Variants in PRKN observed in about 807,000 individuals in gnomAD.
The protein encoded by PRKN is parkin RBR E3 ubiquitin protein ligase, also known as E3 ubiquitin-protein ligase parkin.
PRKN carries 56 observed loss-of-function variants against 59.5 expected under a neutral mutation model. The observed-to-expected ratio is 0.94, with a 90% confidence interval of 0.76 to 1.18. PRKN has a LOEUF of 1.18. PRKN is among the 50% of genes most tolerant of loss of function. The pLI is 0.00. For missense variants in PRKN, 657 were observed against 596.4 expected (o/e 1.10, Z -1.06); for synonymous variants, 250 against 222.1 (o/e 1.13, Z -1.12).
chr6:162,625,097 G>C (rs556675223), intron 1 of PRKN, among the ~76,000 whole-genome samples: 4 of 152,126 alleles, frequency 2.6e-5, no homozygotes, highest in African/African-American at 9.7e-5. Context: ...TCACTGTGAT[G>C]TCTCTTCTCT....
chr6:161,375,801 C>T (rs1159573707), intron 10 of PRKN, among the ~76,000 whole-genome samples: 1 of 152,210 alleles, frequency 6.6e-6, no homozygotes, highest in Non-Finnish European at 1.5e-5. Flanking sequence ...CAGCTTTTCA[C>T]AGCGCAAGGC....
chr6:162,148,593 G>GAAACAAACAAACAAAC (rs34428585), intron 4 of PRKN, among the ~76,000 whole-genome samples: 20 of 151,394 alleles, frequency 1.3e-4, no homozygotes, highest in South Asian at 2.1e-4. Flanking sequence ...AAGCCAGATT[G>GAAACAAACAAACAAAC]AAACAAACAA....
At chr6:161,968,084 G>C (rs1780649520) in intron 6 of PRKN, among the ~76,000 whole-genome samples, 1 of 151,874 alleles carries the variant, frequency 6.6e-6, no homozygotes. Flanking sequence ...GCAGTGGTGT[G>C]ATCACGCCTC....
intron 5 of PRKN, among the ~76,000 whole-genome samples, chr6:162,030,956 A>C (rs937853143): frequency 6.6e-6 from 1 of 152,192 alleles, no homozygotes; most frequent in Non-Finnish European, 1.5e-5. Context: ...GAAAGGAGTA[A>C]ATGGGGAAGG....
At chr6:162,581,652 T>C (rs899674434) in intron 1 of PRKN, among the ~76,000 whole-genome samples, 4 of 152,074 alleles carry the variant, frequency 2.6e-5, no homozygotes, top group Middle Eastern at 3.2e-3. Context: ...TCCCAGCTAC[T>C]TGAGGCTGAG....
chr6:161,645,570 TG>T (rs1259838894), intron 7 of PRKN, among the ~76,000 whole-genome samples: 5 of 152,248 alleles, frequency 3.3e-5, no homozygotes, highest in Non-Finnish European at 7.3e-5. Flanking sequence ...TAAAGCAGTT[TG>T]ATTGATTTGG....
chr6:161,425,537 G>A (rs1026580520), intron 9 of PRKN, among the ~76,000 whole-genome samples: 1 of 152,080 alleles, frequency 6.6e-6, no homozygotes, highest in African/African-American at 2.4e-5. Context: ...GGTCTCAAAT[G>A]TCTCAGTTGT....
At chr6:162,230,023 T>G (rs1280965628) in intron 3 of PRKN, among the ~76,000 whole-genome samples, 1 of 152,194 alleles carries the variant, frequency 6.6e-6, no homozygotes, top group Non-Finnish European at 1.5e-5. Flanking sequence ...TTTCCTTTAT[T>G]GAAGGAAACA....
intron 6 of PRKN, among the ~76,000 whole-genome samples, chr6:161,867,762 T>TTTATTTATTTA (rs1491153266): frequency 1.1e-4 from 16 of 150,684 alleles, no homozygotes; most frequent in African/African-American, 3.7e-4. Flanking sequence ...TATTTATTTA[T>TTTATTTATTTA]TTATTTATTT....
At chr6:162,556,342 GGTGTGTGTGTGTGT>G (rs202002846) in intron 1 of PRKN, among the ~76,000 whole-genome samples, 942 of 57,190 alleles carry the variant, frequency 0.016, 3 homozygotes, top group Non-Finnish European at 0.024. Flanking sequence ...CTACTCAGCT[GGTGTGTGTGTGTGT>G]GTGTGTGTGT....
At chr6:162,431,033 C>T (rs1043751198) in intron 2 of PRKN, among the ~76,000 whole-genome samples, 17 of 152,038 alleles carry the variant, frequency 1.1e-4, no homozygotes, top group African/African-American at 3.9e-4. Flanking sequence ...CTCTTCCCAA[C>T]GCCGCCTTCA....
At position 161,388,725 on chromosome 6, in the gene PRKN, C is replaced by T. The variant is rs116723260; in HGVS notation, c.1084-1848G>A. On this transcript the variant is annotated intron_variant, in intron 9 of 11. Transcript: ENST00000366898. This position sits in a 1 kb window ranked among gnomAD's most constrained non-coding sequence, Gnocchi z 4.3. ...TCCATTTCCTGTTGGGACACTTGCT[C>T]TTGAAGCCCAGCTGCCATATGGTAA... is the stretch of plus-strand genomic sequence containing the variant. 4.1e-3 allele frequency among the ~76,000 whole-genome samples: 624 copies of T among 152,326 alleles called. 2 individuals are homozygous for T. Among genetic ancestry groups the T allele is most frequent in the African/African-American group, 0.014 (601 of 41,578 alleles).
At chr6:162,351,215 C>A (rs534239685) in intron 2 of PRKN, among the ~76,000 whole-genome samples, 1 of 151,980 alleles carries the variant, frequency 6.6e-6, no homozygotes, top group South Asian at 2.1e-4. Context: ...AAAAATAAAA[C>A]AACCCAATAA....
intron 4 of PRKN, among the ~76,000 whole-genome samples, chr6:162,186,010 C>A (rs1425179444): frequency 2.0e-5 from 3 of 151,910 alleles, no homozygotes; most frequent in African/African-American, 7.3e-5. Flanking sequence ...GCCCACCTCA[C>A]ACTGTTCCTT....
chr6:161,868,563 A>G (rs764135501), intron 6 of PRKN, among the ~76,000 whole-genome samples: 78 of 152,150 alleles, frequency 5.1e-4, no homozygotes, highest in Admixed American at 1.1e-3. Flanking sequence ...CCTAGGTGAG[A>G]GAGTGAGACT....
chr6:162,029,599 CA>C (rs917942887), intron 5 of PRKN, among the ~76,000 whole-genome samples: 2 of 152,186 alleles, frequency 1.3e-5, no homozygotes, highest in African/African-American at 4.8e-5. Context: ...CAAAGTTGTT[CA>C]TGAGGTTTGG....
intron 6 of PRKN, among the ~76,000 whole-genome samples, chr6:161,818,832 G>T (rs1694676308): frequency 6.6e-6 from 1 of 152,160 alleles, no homozygotes. Flanking sequence ...GCTACGAACT[G>T]GAGAAGTCTT....
At chr6:161,465,345 G>A (rs538637308) in intron 9 of PRKN, among the ~76,000 whole-genome samples, 6 of 152,128 alleles carry the variant, frequency 3.9e-5, no homozygotes, top group East Asian at 1.9e-4. Context: ...TCATTCCTTC[G>A]TACAGATCTG....
intron 2 of PRKN, among the ~76,000 whole-genome samples, chr6:162,307,843 C>T (rs1782302245): frequency 7.1e-6 from 1 of 141,258 alleles, no homozygotes; most frequent in African/African-American, 3.2e-5. Flanking sequence ...TTCCTTTCAG[C>T]TATTACGATA....
Sources: gnomAD v4.1 joint callset for allele counts (sites outside exome capture counted in the v4.1 genomes callset) on GRCh38, gnomAD v4.1.1 for gene constraint, Gnocchi (gnomAD v3.1) non-coding constraint, MANE v1.5 for transcripts, NCBI Gene and HGNC (gene_info 2026-07-23, HGNC 2026-07-21) for gene names.